The following WNK1 variants were observed in gnomAD, a reference collection of about 807,000 sequenced individuals.
WNK1 encodes WNK lysine deficient protein kinase 1.
A neutral mutation model predicts 222.8 loss-of-function variants in WNK1; 38 were observed. The ratio of observed to expected loss-of-function variants is 0.17; its 90% CI spans 0.13 to 0.22. The LOEUF (loss-of-function observed/expected upper bound fraction) is 0.22. Ranked by LOEUF, WNK1 falls within the 10% of genes least tolerant of loss-of-function variation. WNK1 has a pLI of 1.00. For missense variants in WNK1, 2,348 were observed against 2,918.4 expected, an observed-to-expected ratio of 0.80 and a Z score of 4.50; for synonymous variants, 1,090 against 1,092.9, an observed-to-expected ratio of 1.00 and a Z score of 0.05.
Position 879,735 on chromosome 12 carries a change from A to T in WNK1, c.2536A>T (p.Ile846Leu). The T allele has an allele frequency of 6.2e-7, 1 of 1,613,512 alleles. No homozygotes were observed. Among genetic ancestry groups the T allele is most frequent in the Admixed American group, 1.7e-5 (1 of 59,948 alleles). ...TCAGTACCCTGTCTCTCAGATTCCC[A>T]TATCAACTCCTCATGTGTCTACGGC... ...LPQYPVSQIPISTPHVSTAQT... is the reference protein window; with the variant it reads ...LPQYPVSQIPLSTPHVSTAQT... The change falls in exon 11 of 28, where the codon ATA becomes TTA. Residue 846 changes from isoleucine to leucine, a missense_variant. By Grantham distance (5) the Ile-to-Leu change is conservative (BLOSUM62 2). Transcript: ENST00000315939.
At chr12:837,969 T>C (rs1949327260) in intron 4 of WNK1, among the ~76,000 whole-genome samples, 1 of 152,182 alleles carries the variant, frequency 6.6e-6, no homozygotes, top group Non-Finnish European at 1.5e-5. Context: ...TCATTTAATA[T>C]GTGGTCTTTT....
At chr12:856,213 C>T (rs915326517) in intron 4 of WNK1, among the ~76,000 whole-genome samples, 43 of 151,440 alleles carry the variant, frequency 2.8e-4, no homozygotes, top group African/African-American at 9.7e-4. Context: ...TTTGGGAGGC[C>T]GAGGAGGGCG....
chr12:898,642 C>G (rs1592238156), intron 25 of WNK1, among the ~76,000 whole-genome samples: 1 of 152,128 alleles, frequency 6.6e-6, no homozygotes, highest in Non-Finnish European at 1.5e-5. Flanking sequence ...GATCATAGCA[C>G]ACAACACAAC....
At position 910,937 on chromosome 12, in the gene WNK1, C is replaced by G. The variant is rs1431019263; in HGVS notation, c.*2145C>G. ...GTGGAGAGAGTAAGGATAGAACCAACAAGGGGCTGAGTAGCTGAGAAAGGG... is the reference window on the plus strand; with the variant it reads ...GTGGAGAGAGTAAGGATAGAACCAAGAAGGGGCTGAGTAGCTGAGAAAGGG... On this transcript the variant is annotated 3_prime_UTR_variant, in exon 28 of 28. Transcript: ENST00000315939. 1.0e-5 allele frequency: 2 copies of G among 194,922 alleles called. No individual in the cohort carries two copies. The highest frequency in any genetic ancestry group is 4.6e-5 in the African/African-American group (2 of 43,342). The allele number at this position is 194,922 out of a possible 1,614,324, so 12.1% of individuals were successfully genotyped here. A position where few individuals can be genotyped will look rare whatever the true frequency, so the allele number is the denominator to read the frequency against.
At chr12:908,436 G>A in intron 27 of WNK1, 39 bp from the exon 28 acceptor site, 1 of 1,604,482 alleles carries the variant, frequency 6.2e-7, no homozygotes, top group African/African-American at 1.3e-5. Flanking sequence ...TTATACCATG[G>A]CCCACACCAG....
At chr12:859,872 C>T (rs1198982789) in intron 6 of WNK1, among the ~76,000 whole-genome samples, 1 of 151,732 alleles carries the variant, frequency 6.6e-6, no homozygotes, top group Admixed American at 6.6e-5. Context: ...CGTGCCACCA[C>T]ACCTGACTAA....
intron 2 of WNK1, among the ~76,000 whole-genome samples, chr12:824,097 A>C (rs1565481719): frequency 6.6e-6 from 1 of 150,992 alleles, no homozygotes; most frequent in African/African-American, 2.4e-5. Context: ...AGTAGACACC[A>C]TGTTTCGCCA....
chr12:856,440 C>A, intron 4 of WNK1, among the ~76,000 whole-genome samples: 1 of 147,106 alleles, frequency 6.8e-6, no homozygotes, highest in Non-Finnish European at 1.5e-5. Flanking sequence ...GGCAACAGAG[C>A]AAGACTCCAT....
At chr12:771,013 G>T (rs1942410232) in intron 1 of WNK1, among the ~76,000 whole-genome samples, 1 of 151,374 alleles carries the variant, frequency 6.6e-6, no homozygotes, top group African/African-American at 2.4e-5. Context: ...TTTTTTTTTG[G>T]AGACGGAGTC....
At chr12:811,992 A>G (rs888721937) in intron 1 of WNK1, among the ~76,000 whole-genome samples, 2 of 152,242 alleles carry the variant, frequency 1.3e-5, no homozygotes, top group African/African-American at 4.8e-5. Flanking sequence ...AAATATTTCT[A>G]TGGAATTTTT....
rs1954711777 is a variant in WNK1, at chr12:896,082, A to G, written c.5595A>G (p.Ala1865=). 1.2e-6 allele frequency: 2 copies of G among 1,614,200 alleles called. No homozygotes were observed. Among genetic ancestry groups the G allele is most frequent in the South Asian group, 2.2e-5 (2 of 91,090 alleles). ...FKMGRFQVSV[A]ADGAQKEGKN... Reference sequence around the variant, plus strand: ...TCCTTTTTTATCAGGTTTCTGTTGCAGCAGACGGTGCCCAGAAAGAGGGTA... The same window carrying G: ...TCCTTTTTTATCAGGTTTCTGTTGCGGCAGACGGTGCCCAGAAAGAGGGTA... Residue 1865 remains alanine (A), a synonymous_variant, in exon 24 of 28, where the codon GCA becomes GCG. Transcript: ENST00000315939.
chr12:849,787 A>G (rs931283692), intron 4 of WNK1, among the ~76,000 whole-genome samples: 1 of 151,174 alleles, frequency 6.6e-6, no homozygotes, highest in Non-Finnish European at 1.5e-5. Flanking sequence ...CTCATTGTTC[A>G]ATTCCCACCT....
intron 4 of WNK1, among the ~76,000 whole-genome samples, chr12:853,905 C>T (rs928468089): frequency 6.6e-6 from 1 of 151,982 alleles, no homozygotes; most frequent in Non-Finnish European, 1.5e-5. Context: ...GTATGTGCCG[C>T]CACACCCCAC....
At chr12:859,991 C>T (rs967474134) in intron 6 of WNK1, among the ~76,000 whole-genome samples, 1 of 152,000 alleles carries the variant, frequency 6.6e-6, no homozygotes, top group Non-Finnish European at 1.5e-5. Context: ...GCTGGGAGTA[C>T]AGGTGTGAGC....
intron 1 of WNK1, among the ~76,000 whole-genome samples, chr12:792,103 C>T (rs76312165): frequency 0.068 from 10,315 of 152,100 alleles, 413 homozygotes; most frequent in African/African-American, 0.086. Context: ...TACTCCCCTA[C>T]GCTAGCCCCG....
chr12:823,396 G>T (rs1473364361), intron 2 of WNK1, among the ~76,000 whole-genome samples: 1 of 151,902 alleles, frequency 6.6e-6, no homozygotes, highest in Non-Finnish European at 1.5e-5. Flanking sequence ...CTTTATCTAG[G>T]ACTCCCATTG....
intron 22 of WNK1, among the ~76,000 whole-genome samples, chr12:892,522 T>C (rs1954348190): frequency 6.6e-6 from 1 of 152,068 alleles, no homozygotes; most frequent in African/African-American, 2.4e-5. Flanking sequence ...GTAATAGATA[T>C]AAAATTTTCT....
At chr12:880,180 G>A in intron 11 of WNK1, 149 bp downstream of exon 11, 1 of 824,118 alleles carries the variant, frequency 1.2e-6, no homozygotes, top group Admixed American at 2.1e-5. Flanking sequence ...AGAAAGGATT[G>A]GATAATGATG....
rs913492773 is a variant in WNK1 at position 758,051 on chromosome 12, A to G, written c.759+3727A>G. Among the ~76,000 whole-genome samples, 271 of 88,350 alleles carry G rather than the reference A, an allele frequency of 3.1e-3. 28 individuals carry two copies. The highest frequency in any genetic ancestry group is 5.3e-3 in the Admixed American group (48 of 9,000). 58.0% of individuals were successfully genotyped at this position (88,350 alleles called of 152,430 possible). ...CTCTGTCTCTAAAAAAAAAAAAAAA[A>G]AAAGAAAGAAAGAAAAAGAAAACAT... On this transcript the variant is annotated intron_variant, in intron 1 of 27. Transcript: ENST00000315939.
Sources: gnomAD v4.1 joint callset for allele counts (sites outside exome capture counted in the v4.1 genomes callset) on GRCh38, gnomAD v4.1.1 for gene constraint, MANE v1.5 for transcripts, NCBI Gene and HGNC (gene_info 2026-07-23, HGNC 2026-07-21) for gene names.